PACS1: variants seen among roughly 807,000 people sequenced by gnomAD.
PACS1 encodes phosphofurin acidic cluster sorting protein 1, also known as PACS-1.
PACS1 carries 24 observed loss-of-function variants against 115.0 expected under a neutral mutation model. That is an observed-to-expected ratio of 0.21 (90% CI 0.15 to 0.29). The LOEUF (loss-of-function observed/expected upper bound fraction) is 0.29. Among genes scored for constraint, PACS1 ranks in the 10% least tolerant of loss-of-function variants. The probability of loss-of-function intolerance (pLI) is 1.00; values close to 1 mark genes in which losing one functional copy is unlikely to be tolerated. For synonymous variants in PACS1, 453 were observed against 504.5 expected (o/e 0.90, Z 1.37); for missense variants, 838 against 1,251.2 (o/e 0.67, Z 4.98).
At chr11:66,168,305 G>GT (rs1334306323) in intron 1 of PACS1, among the ~76,000 whole-genome samples, 2 of 150,594 alleles carry the variant, frequency 1.3e-5, no homozygotes, top group African/African-American at 2.5e-5. Context: ...GAGAATCAAC[G>GT]TATCAATGCT....
At chr11:66,073,490 TAC>T in intron 1 of PACS1, among the ~76,000 whole-genome samples, 1 of 152,286 alleles carries the variant, frequency 6.6e-6, no homozygotes, top group South Asian at 2.1e-4. Context: ...GCTCGAACAG[TAC>T]AGTGTTAGGA....
chr11:66,119,252 A>G (rs1219904419), intron 1 of PACS1, among the ~76,000 whole-genome samples: 9 of 152,210 alleles, frequency 5.9e-5, no homozygotes, highest in Admixed American at 5.9e-4. Context: ...GAAAAACATC[A>G]AAAGAGTAGT....
chr11:66,202,867 CAATA>C (rs1012091292), intron 2 of PACS1, among the ~76,000 whole-genome samples: 10 of 147,152 alleles, frequency 6.8e-5, no homozygotes, highest in African/African-American at 2.5e-4. Context: ...TACCTCAACA[CAATA>C]AAAGCCATAT....
intron 5 of PACS1, 127 bp from the exon 6 acceptor site, chr11:66,216,393 G>T (rs917709462): frequency 2.2e-6 from 3 of 1,393,798 alleles, no homozygotes; most frequent in African/African-American, 1.4e-5. Flanking sequence ...ATGTGGCTTC[G>T]GCCCTGGCCC....
chr11:66,093,768 T>C (rs1424222515), intron 1 of PACS1, among the ~76,000 whole-genome samples: 4 of 151,494 alleles, frequency 2.6e-5, no homozygotes, highest in African/African-American at 9.7e-5. Flanking sequence ...ACACCACACC[T>C]ATTCCAAAAT....
At chr11:66,119,671 T>A (rs1858395833) in intron 1 of PACS1, among the ~76,000 whole-genome samples, 1 of 152,234 alleles carries the variant, frequency 6.6e-6, no homozygotes, top group African/African-American at 2.4e-5. Flanking sequence ...GCCTCATTCT[T>A]GTTTTGTCTG....
chr11:66,145,970 G>A (rs1365439572), intron 1 of PACS1, among the ~76,000 whole-genome samples: 1 of 152,196 alleles, frequency 6.6e-6, no homozygotes, highest in Admixed American at 6.5e-5. Context: ...TGTAGATTTA[G>A]TCAGGGCAAA....
chr11:66,094,192 A>T (rs1431427012), intron 1 of PACS1, among the ~76,000 whole-genome samples: 2 of 150,150 alleles, frequency 1.3e-5, no homozygotes, highest in African/African-American at 4.8e-5. Flanking sequence ...GAAATAACTA[A>T]AATCAGAGCA....
intron 1 of PACS1, among the ~76,000 whole-genome samples, chr11:66,191,311 G>A (rs1854516777): frequency 6.6e-6 from 1 of 152,152 alleles, no homozygotes; most frequent in African/African-American, 2.4e-5. Flanking sequence ...GATAATCCAG[G>A]ATAATCTCCC....
intron 22 of PACS1, among the ~76,000 whole-genome samples, chr11:66,241,999 G>A (rs1565161199): frequency 1.3e-5 from 2 of 152,212 alleles, no homozygotes; most frequent in Non-Finnish European, 2.9e-5. Context: ...CACAGCTCCA[G>A]GTCCCTGTGA....
intron 7 of PACS1, chr11:66,217,972 T>C (rs1855252279): frequency 1.4e-5 from 3 of 209,596 alleles, no homozygotes; most frequent in African/African-American, 7.1e-5. Context: ...AGTTCAGTGC[T>C]CCTGCTAATG....
At chr11:66,208,439 G>A (rs566488850) in intron 2 of PACS1, among the ~76,000 whole-genome samples, 2 of 152,136 alleles carry the variant, frequency 1.3e-5, no homozygotes, top group South Asian at 2.1e-4. Flanking sequence ...GCAATGTAGC[G>A]ATACCCCATC....
rs201671985 is a variant in PACS1, at chr11:66,221,187, C to T, written c.1233C>T (p.Ser411=). 1.2e-4 allele frequency: 195 copies of T among 1,614,214 alleles called. No individual in the cohort carries two copies. In the East Asian group the frequency reaches 2.0e-3, roughly 17 times the overall value. Residue 411 remains serine (S), a synonymous_variant, in exon 10 of 24, where the codon TCC becomes TCT. Transcript: ENST00000320580. ...PFFEGMSQSS[S]QTEIGSLNSK... ...TTGAGGGGATGTCGCAGTCCAGCTCCCAGACGGAGATTGGCAGCCTCAACA... is the reference window on the plus strand; with the variant it reads ...TTGAGGGGATGTCGCAGTCCAGCTCTCAGACGGAGATTGGCAGCCTCAACA...
In PACS1 at chr11:66,233,043, C is replaced by A; in HGVS notation, c.1815C>A (p.Ala605=). The change falls in exon 15 of 24, where the codon GCC becomes GCA. Residue 605 remains alanine, a synonymous_variant. Coordinates refer to ENST00000320580, the MANE Select transcript of PACS1 (RefSeq NM_018026.4). This position sits in a 1 kb window ranked among gnomAD's most constrained non-coding sequence, Gnocchi z 4.5. ...STVEVQAVLS[A]LLTRIQRYCN... The stretch of plus-strand genomic sequence containing the variant: ...TGGAGGTCCAGGCCGTGCTGTCCGC[C>A]CTGCTCACCCGGATCCAGCGCTAGT... The A allele has an allele frequency of 6.2e-7, 1 of 1,610,442 alleles. No individual in the cohort carries two copies. The highest frequency in any genetic ancestry group is 8.5e-7 in the Non-Finnish European group (1 of 1,179,766).
At position 66,238,817 on chromosome 11, in the gene PACS1, G is replaced by C; in HGVS notation, c.2264G>C (p.Gly755Ala). The C allele has an allele frequency of 6.3e-7, 1 of 1,588,508 alleles. No individual in the cohort carries two copies. The highest frequency in any genetic ancestry group is 8.6e-7 in the Non-Finnish European group (1 of 1,165,548). The change falls in exon 20 of 24, where the codon GGT becomes GCT. Residue 755 changes from glycine (G) to alanine (A), a missense_variant. By Grantham distance (60) the Gly-to-Ala change is moderately conservative (BLOSUM62 0). Coordinates refer to ENST00000320580, the MANE Select transcript of PACS1 (RefSeq NM_018026.4). ...FIPFIGVVKVGLVEDSPSTAG... is the reference protein window; with the variant it reads ...FIPFIGVVKVALVEDSPSTAG... Reference sequence around the variant, plus strand: ...CTCTCCTTGCAGGTGGTGAAGGTGGGTCTGGTTGAAGACTCTCCCTCCACA... The same window carrying C: ...CTCTCCTTGCAGGTGGTGAAGGTGGCTCTGGTTGAAGACTCTCCCTCCACA...
intron 1 of PACS1, among the ~76,000 whole-genome samples, chr11:66,081,291 C>T (rs1412089259): frequency 6.6e-6 from 1 of 152,094 alleles, no homozygotes; most frequent in East Asian, 1.9e-4. Context: ...GGATTATCAT[C>T]AGAATTAAAT....
intron 1 of PACS1, among the ~76,000 whole-genome samples, chr11:66,180,061 C>CA (rs1217173610): frequency 6.6e-6 from 1 of 152,102 alleles, no homozygotes; most frequent in East Asian, 1.9e-4. Flanking sequence ...AAGCTGGTCT[C>CA]AAACTCCTGA....
chr11:66,073,074 G>A (rs989936014), intron 1 of PACS1, among the ~76,000 whole-genome samples: 1 of 152,230 alleles, frequency 6.6e-6, no homozygotes, highest in Non-Finnish European at 1.5e-5. Flanking sequence ...GTTACGTCAC[G>A]TTTACTGACC....
At chr11:66,078,263 G>A (rs935650892) in intron 1 of PACS1, among the ~76,000 whole-genome samples, 15 of 152,112 alleles carry the variant, frequency 9.9e-5, no homozygotes, top group Non-Finnish European at 1.9e-4. Context: ...ATTGTGATGT[G>A]GGTAATTTGC....
Sources: gnomAD v4.1 joint callset for allele counts (sites outside exome capture counted in the v4.1 genomes callset) on GRCh38, gnomAD v4.1.1 for gene constraint, Gnocchi (gnomAD v3.1) non-coding constraint, MANE v1.5 for transcripts, NCBI Gene and HGNC (gene_info 2026-07-23, HGNC 2026-07-21) for gene names.